Variants in DARS1 observed in about 807,000 individuals in gnomAD.
The protein encoded by DARS1 is aspartyl-tRNA synthetase 1.
A neutral mutation model predicts 68.8 loss-of-function variants in DARS1; 51 were observed. The observed-to-expected ratio is 0.74, with a 90% CI of 0.59 to 0.94. The LOEUF is 0.94. Among genes scored for constraint, DARS1 ranks in the 40% least tolerant of loss-of-function variants. The pLI is 0.00. For synonymous variants in DARS1, 203 were observed against 190.4 expected (o/e 1.07, Z -0.55); for missense variants, 607 against 597.3 (o/e 1.02, Z -0.17).
At chr2:135,922,405 G>A (rs1681124374) in intron 9 of DARS1, among the ~76,000 whole-genome samples, 1 of 152,012 alleles carries the variant, frequency 6.6e-6, no homozygotes, top group Admixed American at 6.6e-5. Context: ...ACTGCACTGA[G>A]GTATATTAAA....
chr2:135,970,384 G>C (rs1278542019), intron 3 of DARS1, among the ~76,000 whole-genome samples: 1 of 151,928 alleles, frequency 6.6e-6, no homozygotes, highest in Non-Finnish European at 1.5e-5. Context: ...TATGCTCTGG[G>C]ATGACCAGTG....
At chr2:135,953,102 G>C (rs1198004813) in intron 4 of DARS1, among the ~76,000 whole-genome samples, 1 of 152,112 alleles carries the variant, frequency 6.6e-6, no homozygotes, top group African/African-American at 2.4e-5. Flanking sequence ...TTTTGCATAG[G>C]ACGGTTAGTT....
At chr2:135,965,950 C>T (rs1324941142) in intron 3 of DARS1, among the ~76,000 whole-genome samples, 1 of 152,146 alleles carries the variant, frequency 6.6e-6, no homozygotes, top group African/African-American at 2.4e-5. Context: ...TGAGACCAAG[C>T]TCTTGTCATG....
chr2:135,983,247 G>T (rs376266781), intron 2 of DARS1, 150 bp downstream of exon 2: 8 of 591,442 alleles, frequency 1.4e-5, no homozygotes, highest in East Asian at 6.2e-5. Flanking sequence ...GTTTACACAG[G>T]GTTATGACAT....
chr2:135,940,507 T>A (rs1681571671), intron 5 of DARS1, among the ~76,000 whole-genome samples: 1 of 152,150 alleles, frequency 6.6e-6, no homozygotes, highest in Admixed American at 6.5e-5. Context: ...ATGAGACGTA[T>A]CTCAAAATAA....
intron 5 of DARS1, among the ~76,000 whole-genome samples, chr2:135,942,399 C>T (rs1352148117): frequency 6.6e-6 from 1 of 151,120 alleles, no homozygotes; most frequent in African/African-American, 2.4e-5. Context: ...CAAACTATCA[C>T]AAGGGCAGAA....
intron 11 of DARS1, among the ~76,000 whole-genome samples, chr2:135,915,252 A>C (rs1232515409): frequency 2.0e-5 from 3 of 152,168 alleles, no homozygotes; most frequent in Non-Finnish European, 4.4e-5. Context: ...GTCTTGAATA[A>C]AATATAAGTA....
chr2:135,943,212 T>A, intron 5 of DARS1, 166 bp downstream of exon 5: 7 of 944,848 alleles, frequency 7.4e-6, no homozygotes, highest in Non-Finnish European at 8.8e-6. Flanking sequence ...TTCAAGTCAC[T>A]AAGTACTGGG....
chr2:135,978,018 C>T (rs1682537033), intron 3 of DARS1, among the ~76,000 whole-genome samples: 1 of 151,394 alleles, frequency 6.6e-6, no homozygotes, highest in Non-Finnish European at 1.5e-5. Flanking sequence ...TGGCGCATGC[C>T]TGTAATCCCA....
intron 7 of DARS1, among the ~76,000 whole-genome samples, chr2:135,928,982 A>G (rs1032477983): frequency 1.3e-5 from 2 of 152,220 alleles, no homozygotes; most frequent in Admixed American, 1.3e-4. Flanking sequence ...ATTACATATA[A>G]TAACAACTGC....
intron 8 of DARS1, among the ~76,000 whole-genome samples, 192 bp downstream of exon 8, chr2:135,924,195 A>G (rs1273520940): frequency 6.6e-6 from 1 of 152,222 alleles, no homozygotes; most frequent in African/African-American, 2.4e-5. Flanking sequence ...CTCCTGGAAT[A>G]AGAAAATGTA....
intron 3 of DARS1, among the ~76,000 whole-genome samples, chr2:135,962,282 T>G (rs919924021): frequency 6.6e-6 from 1 of 152,222 alleles, no homozygotes; most frequent in African/African-American, 2.4e-5. Context: ...ATTTCGTTAT[T>G]ATGTATCCTT....
Position 135,922,764 on chromosome 2 carries a change from C to T in DARS1, c.811+20G>A, listed in dbSNP as rs765959372. 3 of 1,522,266 alleles carry T rather than the reference C, an allele frequency of 2.0e-6. No homozygotes were observed. The highest frequency in any genetic ancestry group is 2.6e-6 in the Non-Finnish European group (3 of 1,142,558). The allele number at this position is 1,522,266 out of a possible 1,614,324, so 94.3% of individuals were successfully genotyped here. The stretch of plus-strand genomic sequence containing the variant: ...GTATAATTAATTAACTTGGATAAAA[C>T]ATAACTGCCAAAATCTTACCTGGTC... On this transcript the variant is annotated intron_variant, in intron 9 of 15. Coordinates refer to ENST00000264161, the MANE Select transcript of DARS1 (RefSeq NM_001349.4).
At chr2:135,933,006 G>A (rs1206057725) in intron 6 of DARS1, among the ~76,000 whole-genome samples, 164 bp from the exon 7 acceptor site, 1 of 152,188 alleles carries the variant, frequency 6.6e-6, no homozygotes, top group African/African-American at 2.4e-5. Flanking sequence ...AGTGCGGCCA[G>A]AGAGAAGTTA....
chr2:135,955,616 T>C (rs1322570764), intron 4 of DARS1, among the ~76,000 whole-genome samples: 2 of 129,672 alleles, frequency 1.5e-5, no homozygotes, highest in Non-Finnish European at 1.7e-5. Flanking sequence ...AGAACAAAAA[T>C]AAATTAGGTA....
chr2:135,933,152 G>A (rs552241316), intron 6 of DARS1, among the ~76,000 whole-genome samples: 1 of 152,300 alleles, frequency 6.6e-6, no homozygotes, highest in Admixed American at 6.5e-5. Flanking sequence ...TTGATTCCTG[G>A]ATTTAACCTG....
chr2:135,933,255 C>G (rs1292457097), intron 6 of DARS1, among the ~76,000 whole-genome samples: 2 of 152,182 alleles, frequency 1.3e-5, no homozygotes, highest in Non-Finnish European at 2.9e-5. Flanking sequence ...CTGAGACTTT[C>G]CAGAAGTTGA....
At chr2:135,921,216 T>C (rs1681104968) in intron 9 of DARS1, among the ~76,000 whole-genome samples, 1 of 151,456 alleles carries the variant, frequency 6.6e-6, no homozygotes, top group South Asian at 2.1e-4. Flanking sequence ...ATTCCTATAA[T>C]ACATCCTTGC....
At chr2:135,922,245 T>C (rs1681121116) in intron 9 of DARS1, among the ~76,000 whole-genome samples, 1 of 152,140 alleles carries the variant, frequency 6.6e-6, no homozygotes, top group Non-Finnish European at 1.5e-5. Flanking sequence ...ATAAAATTGA[T>C]AGCAAATTAG....
Sources: allele counts gnomAD v4.1 joint callset (sites outside exome capture counted in the v4.1 genomes callset), GRCh38; gene constraint gnomAD v4.1.1; transcripts MANE v1.5; gene names NCBI Gene and HGNC (gene_info 2026-07-23, HGNC 2026-07-21).